The following RAP1GDS1 variants were observed in gnomAD, a reference collection of about 807,000 sequenced individuals.
The protein encoded by RAP1GDS1 is Rap1 GTPase-GDP dissociation stimulator 1.
In RAP1GDS1, 35 loss-of-function variants were observed where a neutral mutation model predicts 71.1. The ratio of observed to expected loss-of-function variants is 0.49; its 90% confidence interval spans 0.38 to 0.65. The LOEUF (loss-of-function observed/expected upper bound fraction) is 0.65. RAP1GDS1 is among the 30% of genes least tolerant of loss of function. RAP1GDS1 has a pLI of 0.00. For missense variants in RAP1GDS1, 663 were observed against 706.1 expected (o/e 0.94, Z 0.69); for synonymous variants, 229 against 243.1 (o/e 0.94, Z 0.54).
At chr4:98,349,715 T>G (rs1348874185) in intron 3 of RAP1GDS1, among the ~76,000 whole-genome samples, 2 of 152,214 alleles carry the variant, frequency 1.3e-5, no homozygotes, top group African/African-American at 4.8e-5. Context: ...AGGTATTTTA[T>G]TCTCTTTGAA....
At chr4:98,285,708 CTG>C (rs1383942660) in intron 1 of RAP1GDS1, among the ~76,000 whole-genome samples, 3 of 150,716 alleles carry the variant, frequency 2.0e-5, no homozygotes, top group Admixed American at 6.6e-5. Context: ...AAAATTATAA[CTG>C]TCATAAAATT....
chr4:98,390,933 ATAACT>A (rs1194157281), intron 5 of RAP1GDS1, among the ~76,000 whole-genome samples: 21 of 152,194 alleles, frequency 1.4e-4, no homozygotes, highest in African/African-American at 4.8e-4. Flanking sequence ...GCAAAGAGAA[ATAACT>A]TAAAAGAATT....
At chr4:98,363,074 G>A (rs1218856626) in intron 4 of RAP1GDS1, among the ~76,000 whole-genome samples, 1 of 152,136 alleles carries the variant, frequency 6.6e-6, no homozygotes, top group Admixed American at 6.5e-5. Flanking sequence ...AGAAGGTGAT[G>A]TATAATAATG....
At chr4:98,433,843 G>A (rs1201264554) in intron 12 of RAP1GDS1, 93 bp from the exon 13 acceptor site, 13 of 1,283,778 alleles carry the variant, frequency 1.0e-5, no homozygotes, top group East Asian at 2.5e-5. Context: ...GGACACTGTC[G>A]CAAAACCACT....
At chr4:98,396,325 A>G (rs1744543287) in intron 6 of RAP1GDS1, 1 of 152,236 alleles carries the variant, frequency 6.6e-6, no homozygotes, top group African/African-American at 2.4e-5. Flanking sequence ...ATACTGAGGG[A>G]GCCCTGGCCT....
At chr4:98,376,103 G>A (rs1420115543) in intron 4 of RAP1GDS1, among the ~76,000 whole-genome samples, 2 of 152,062 alleles carry the variant, frequency 1.3e-5, no homozygotes, top group Admixed American at 6.6e-5. Flanking sequence ...TACTTGTGCT[G>A]GAAACTGCTT....
intron 2 of RAP1GDS1, among the ~76,000 whole-genome samples, chr4:98,329,354 ATTATCT>A (rs1435508922): frequency 3.3e-5 from 5 of 152,208 alleles, no homozygotes; most frequent in South Asian, 2.1e-4. Context: ...TCATGGAAAC[ATTATCT>A]TTATCATTTA....
chr4:98,397,504 A>G (rs1744715631), intron 6 of RAP1GDS1, among the ~76,000 whole-genome samples: 1 of 152,128 alleles, frequency 6.6e-6, no homozygotes, highest in African/African-American at 2.4e-5. Flanking sequence ...ACAAATAAGA[A>G]CAACCTCAAG....
intron 2 of RAP1GDS1, among the ~76,000 whole-genome samples, chr4:98,311,333 C>T (rs984011523): frequency 1.3e-5 from 2 of 152,182 alleles, no homozygotes; most frequent in Non-Finnish European, 2.9e-5. Flanking sequence ...TTGTCAAAGA[C>T]TCTTAAGTAT....
intron 4 of RAP1GDS1, among the ~76,000 whole-genome samples, chr4:98,368,697 A>G (rs1213657191): frequency 6.6e-6 from 1 of 152,066 alleles, no homozygotes; most frequent in Admixed American, 6.5e-5. Flanking sequence ...TTATGTTATT[A>G]TTAAATTAAT....
chr4:98,442,815 G>A lies in RAP1GDS1; in HGVS notation c.*698G>A, dbSNP rs1350076165. On this transcript the variant is annotated 3_prime_UTR_variant, in exon 15 of 15. Coordinates refer to ENST00000408927, the MANE Select transcript of RAP1GDS1 (RefSeq NM_001100427.2). ...TGTAGTTTTCAGTGTGAAACTAAGGGGTTGAAGAATCACTATTACAATCCC... is the reference window on the plus strand; with the variant it reads ...TGTAGTTTTCAGTGTGAAACTAAGGAGTTGAAGAATCACTATTACAATCCC... The A allele has an allele frequency of 8.7e-6, 2 of 229,856 alleles. No homozygotes were observed. Among genetic ancestry groups the A allele is most frequent in the Non-Finnish European group, 1.7e-5 (2 of 116,094 alleles). The allele number at this position is 229,856 out of a possible 1,614,324, so 14.2% of individuals were successfully genotyped here.
chr4:98,296,261 C>T (rs796752622), intron 2 of RAP1GDS1, among the ~76,000 whole-genome samples: 6 of 152,168 alleles, frequency 3.9e-5, no homozygotes, highest in African/African-American at 1.4e-4. Flanking sequence ...AAGGTTATCT[C>T]TGAAAGGAAC....
At chr4:98,342,913 T>C (rs1735693938) in intron 2 of RAP1GDS1, among the ~76,000 whole-genome samples, 1 of 152,148 alleles carries the variant, frequency 6.6e-6, no homozygotes, top group South Asian at 2.1e-4. Flanking sequence ...TGACTGTAAA[T>C]AAACAAAATA....
chr4:98,435,532 G>A (rs1751010717), intron 13 of RAP1GDS1, among the ~76,000 whole-genome samples: 2 of 152,130 alleles, frequency 1.3e-5, no homozygotes, highest in Non-Finnish European at 1.5e-5. Flanking sequence ...ACACTGAGTA[G>A]GCTGAGGAAG....
At chr4:98,261,695 T>A in intron 1 of RAP1GDS1, 126 bp downstream of exon 1, 1 of 1,274,102 alleles carries the variant, frequency 7.8e-7, no homozygotes, top group Non-Finnish European at 1.1e-6. Flanking sequence ...AGACGGTGGC[T>A]GTTCCTCCGG....
At chr4:98,291,180 G>A (rs980526928) in intron 1 of RAP1GDS1, among the ~76,000 whole-genome samples, 2 of 152,132 alleles carry the variant, frequency 1.3e-5, no homozygotes, top group Non-Finnish European at 1.5e-5. Flanking sequence ...GTTTTAAGGA[G>A]CGATTGAGTG....
At chr4:98,281,726 T>G (rs1213535607) in intron 1 of RAP1GDS1, among the ~76,000 whole-genome samples, 1 of 152,238 alleles carries the variant, frequency 6.6e-6, no homozygotes, top group Non-Finnish European at 1.5e-5. Context: ...GCCCATTCAG[T>G]ATGATATTGG....
chr4:98,287,757 C>A (rs571046077), intron 1 of RAP1GDS1, among the ~76,000 whole-genome samples: 1 of 151,538 alleles, frequency 6.6e-6, no homozygotes, highest in South Asian at 2.1e-4. Context: ...TGCACACATG[C>A]ACCTGAACAG....
intron 4 of RAP1GDS1, among the ~76,000 whole-genome samples, chr4:98,357,833 G>A (rs1738171433): frequency 1.3e-5 from 2 of 152,018 alleles, no homozygotes; most frequent in East Asian, 3.9e-4. Flanking sequence ...CATTCACTAA[G>A]TTGTCATTTA....
Sources: gnomAD v4.1 joint callset for allele counts (sites outside exome capture counted in the v4.1 genomes callset) on GRCh38, gnomAD v4.1.1 for gene constraint, MANE v1.5 for transcripts, NCBI Gene and HGNC (gene_info 2026-07-23, HGNC 2026-07-21) for gene names.